Variants in CFAP54 observed in about 807,000 individuals in gnomAD.
CFAP54 encodes cilia- and flagella-associated protein 54.
CFAP54 carries 290 observed loss-of-function variants against 370.4 expected under a neutral mutation model. The ratio of observed to expected loss-of-function variants is 0.78; its 90% CI spans 0.71 to 0.86. The LOEUF (loss-of-function observed/expected upper bound fraction) is 0.86, where lower values mean the gene tolerates loss of function less well. Among genes scored for constraint, CFAP54 ranks in the 40% least tolerant of loss-of-function variants. The pLI is 0.00. For missense variants in CFAP54, 3,399 were observed against 3,528.7 expected (o/e 0.96, Z 0.93); for synonymous variants, 1,206 against 1,236.5 (o/e 0.98, Z 0.52).
chr12:96,817,420 A>G (rs977867371), intron 64 of CFAP54, among the ~76,000 whole-genome samples: 1 of 145,284 alleles, frequency 6.9e-6, no homozygotes, highest in African/African-American at 2.6e-5. Context: ...GCAAATAAAT[A>G]CCTTTCTTTC....
chr12:96,658,149 GAAAA>G, intron 37 of CFAP54, 44 bp downstream of exon 37: 1 of 1,332,470 alleles, frequency 7.5e-7, no homozygotes, highest in South Asian at 1.4e-5. Flanking sequence ...AGACTTCATT[GAAAA>G]AAAAAAAAGT....
rs183158704 is a variant in CFAP54, at chr12:96,547,052, A to G, written c.2078-850A>G. The stretch of plus-strand genomic sequence containing the variant: ...GTAATGAGGGGTTGTCCCTATTTAG[A>G]TATATAAATTCTTATAACTTCTAAG... On this transcript the variant is annotated intron_variant, in intron 14 of 67. Transcript: ENST00000524981. 5.1e-3 allele frequency among the ~76,000 whole-genome samples: 779 copies of G among 152,308 alleles called. 11 individuals carry two copies. The highest frequency in any genetic ancestry group is 0.018 in the African/African-American group (735 of 41,566).
intron 40 of CFAP54, among the ~76,000 whole-genome samples, chr12:96,680,995 A>C (rs772459008): frequency 6.6e-6 from 1 of 152,186 alleles, no homozygotes; most frequent in Admixed American, 6.5e-5. Flanking sequence ...AGGCATGAGA[A>C]TCACTTGAAC....
chr12:96,567,800 C>T (rs993346603), intron 19 of CFAP54, among the ~76,000 whole-genome samples: 4 of 152,080 alleles, frequency 2.6e-5, no homozygotes, highest in Admixed American at 2.6e-4. Context: ...GACCAGGGAA[C>T]ATACCGGGAC....
chr12:96,611,135 C>G (rs1169360460), intron 26 of CFAP54, among the ~76,000 whole-genome samples: 1 of 152,198 alleles, frequency 6.6e-6, no homozygotes, highest in Non-Finnish European at 1.5e-5. Flanking sequence ...GGAGGCACCC[C>G]CCAGTAGGGG....
chr12:96,614,528 A>G (rs1002804839), intron 26 of CFAP54, among the ~76,000 whole-genome samples: 1 of 152,206 alleles, frequency 6.6e-6, no homozygotes. Flanking sequence ...ATCAGGCAGG[A>G]GAAAGAAATA....
chr12:96,635,300 T>C (rs1220068409), intron 32 of CFAP54, among the ~76,000 whole-genome samples: 3 of 152,248 alleles, frequency 2.0e-5, no homozygotes, highest in Non-Finnish European at 4.4e-5. Context: ...AAGAGTTTTG[T>C]TATAAATTAA....
At chr12:96,750,087 C>CCT (rs1565964309) in intron 55 of CFAP54, among the ~76,000 whole-genome samples, 136 of 152,336 alleles carry the variant, frequency 8.9e-4, no homozygotes, top group African/African-American at 3.0e-3. Context: ...TCCTGGAAAA[C>CCT]CAAGAAGGCA....
At chr12:96,516,941 C>A (rs1053441333) in intron 5 of CFAP54, among the ~76,000 whole-genome samples, 2 of 151,876 alleles carry the variant, frequency 1.3e-5, no homozygotes, top group African/African-American at 4.8e-5. Context: ...CTGCTCAACA[C>A]CTGCAACATG....
At chr12:96,806,098 G>A (rs1402340719) in intron 63 of CFAP54, among the ~76,000 whole-genome samples, 1 of 131,186 alleles carries the variant, frequency 7.6e-6, no homozygotes, top group Non-Finnish European at 1.6e-5. Flanking sequence ...TTACCTATTG[G>A]GTACAATGTT....
At chr12:96,855,976 C>A (rs2136458755) in intron 66 of CFAP54, among the ~76,000 whole-genome samples, 1 of 152,342 alleles carries the variant, frequency 6.6e-6, no homozygotes, top group African/African-American at 2.4e-5. Context: ...TCCATATATC[C>A]TCTGAAATCT....
intron 20 of CFAP54, among the ~76,000 whole-genome samples, chr12:96,579,563 A>AT (rs978563015): frequency 3.3e-5 from 5 of 151,776 alleles, no homozygotes; most frequent in Non-Finnish European, 7.4e-5. Flanking sequence ...AGACAATTGT[A>AT]TTTTTTTTAG....
chr12:96,507,112 G>A lies in CFAP54; in HGVS notation c.739+13G>A, dbSNP rs749338616. 68 of 1,473,974 alleles carry A rather than the reference G, an allele frequency of 4.6e-5. No homozygotes were observed. The South Asian group carries it at 9.0e-4, about 19-fold the overall frequency. The allele number at this position is 1,473,974 out of a possible 1,614,324, so 91.3% of individuals were successfully genotyped here. ...ATTATCTTCAATGGTATATGCTGAT[G>A]TATTTTATTTTCCATTGTGTCTTTC... On this transcript the variant is annotated intron_variant, in intron 4 of 67. Transcript: ENST00000524981.
At position 96,527,424 on chromosome 12, in the gene CFAP54, C is replaced by A. The variant is rs1311618235; in HGVS notation, c.1337C>A (p.Ala446Glu). 6.6e-7 allele frequency: 1 copy of A among 1,518,060 alleles called. No individual in the cohort carries two copies. The highest frequency in any genetic ancestry group is 2.0e-5 in the Admixed American group (1 of 48,924). 94.0% of individuals were successfully genotyped at this position (1,518,060 alleles called of 1,614,324 possible). Residue 446 changes from alanine (A) to glutamate (E), a missense_variant, in exon 9 of 68, where the codon GCA (alanine) becomes GAA (glutamate). Physicochemically the swap from Ala to Glu is moderately radical, Grantham distance 107. This residue lies in a region of CFAP54 where 559 missense variants were observed against 576.7 expected (regional missense o/e 0.97). Transcript: ENST00000524981. ...GATGTTGTCTCAGAATTGTTTATGG[C>A]AGGAAAAGAACTTTTGATAAGTAAA... is the stretch of plus-strand genomic sequence containing the variant. ...IHDVVSELFM[A>E]GKELLIMSNI...
intron 38 of CFAP54, among the ~76,000 whole-genome samples, chr12:96,661,024 G>A (rs1380969979): frequency 2.6e-5 from 4 of 152,094 alleles, no homozygotes; most frequent in South Asian, 4.1e-4. Flanking sequence ...ACCAGCCTCC[G>A]GGAACCTCCA....
chr12:96,626,922 C>G lies in CFAP54; in HGVS notation c.4086C>G (p.Val1362=). 1 of 1,389,176 alleles carries G rather than the reference C, an allele frequency of 7.2e-7. No homozygotes were observed. 86.1% of individuals were successfully genotyped at this position (1,389,176 alleles called of 1,614,324 possible). The change falls in exon 30 of 68, where the codon GTC becomes GTG. Residue 1362 remains valine, a synonymous_variant. Transcript: ENST00000524981. Reference sequence around the variant, plus strand: ...TTATGGTAGAGGTAACAACTCCTGTCCATGACTTCTTGAAAAGGTACTTGC... The same window carrying G: ...TTATGGTAGAGGTAACAACTCCTGTGCATGACTTCTTGAAAAGGTACTTGC... ...FHLMVEVTTP[V]HDFLKRRNES...
Position 96,720,449 on chromosome 12 carries a change from G to A in CFAP54, c.6849G>A (p.Leu2283=). The change falls in exon 50 of 68, where the codon CTG becomes CTA. Residue 2283 remains leucine, a synonymous_variant. Transcript: ENST00000524981. Reference sequence around the variant, plus strand: ...CTGAGGACAGGCTAAACTTCCTTCTGTCCGAGGTGGAACAGAAGACCCTGT... The same window carrying A: ...CTGAGGACAGGCTAAACTTCCTTCTATCCGAGGTGGAACAGAAGACCCTGT... The part of the protein sequence containing the change: ...MEAEDRLNFL[L]SEVEQKTLSQ... The A allele has an allele frequency of 1.3e-6, 2 of 1,598,808 alleles. No homozygotes were observed. Among genetic ancestry groups the A allele is most frequent in the Non-Finnish European group, 1.7e-6 (2 of 1,172,064 alleles).
At position 96,708,705 on chromosome 12, in the gene CFAP54, T is replaced by A; in HGVS notation, c.6626T>A (p.Phe2209Tyr). ...AAGTTTAATTTTGTTAAAGCATACT[T>A]TTTCCTAAGTGTGGCTGCGACAATA... is the stretch of plus-strand genomic sequence containing the variant. ...LNKFNFVKAY[F>Y]FLSVAATINC... The change falls in exon 48 of 68, where the codon TTT becomes TAT. Residue 2209 changes from phenylalanine to tyrosine, a missense_variant. Transcript: ENST00000524981. The A allele has an allele frequency of 6.2e-7, 1 of 1,612,468 alleles. No homozygotes were observed.
chr12:96,510,013 C>T (rs1409611443), intron 4 of CFAP54, among the ~76,000 whole-genome samples: 1 of 151,948 alleles, frequency 6.6e-6, no homozygotes, highest in Non-Finnish European at 1.5e-5. Context: ...CATGGTGGCT[C>T]ACGCCTGTAA....
Sources: gnomAD v4.1 joint callset for allele counts (sites outside exome capture counted in the v4.1 genomes callset) on GRCh38, gnomAD v4.1.1 for gene constraint, gnomAD v4.1.1 regional missense constraint, MANE v1.5 for transcripts, NCBI Gene and HGNC (gene_info 2026-07-23, HGNC 2026-07-21) for gene names.